FNDC1: variants seen among roughly 807,000 people sequenced by gnomAD.
FNDC1 encodes the protein fibronectin type III domain-containing protein 1.
In FNDC1, 96 loss-of-function variants were observed where a neutral mutation model predicts 168.0. That is an observed-to-expected ratio of 0.57 (90% CI 0.48 to 0.68). The LOEUF (loss-of-function observed/expected upper bound fraction) is 0.68, where lower values mean the gene tolerates loss of function less well. Among genes scored for constraint, FNDC1 ranks in the 30% least tolerant of loss-of-function variants. The pLI is 0.00. For missense variants in FNDC1, 2,587 were observed against 2,482.1 expected (o/e 1.04, Z -0.90); for synonymous variants, 1,099 against 1,025.9 (o/e 1.07, Z -1.36).
intron 9 of FNDC1, among the ~76,000 whole-genome samples, chr6:159,227,902 C>T (rs1782986599): frequency 6.6e-6 from 1 of 152,198 alleles, no homozygotes; most frequent in Admixed American, 6.5e-5. Context: ...CTGTCCTGGG[C>T]TGCTTGCAGC....
At chr6:159,209,234 A>T (rs1782548966) in intron 4 of FNDC1, among the ~76,000 whole-genome samples, 1 of 152,240 alleles carries the variant, frequency 6.6e-6, no homozygotes, top group South Asian at 2.1e-4. Context: ...GAAGATTAGG[A>T]ATGAATTTCC....
chr6:159,226,617 A>T (rs1358431971), intron 9 of FNDC1, 37 bp downstream of exon 9: 2 of 1,482,388 alleles, frequency 1.3e-6, no homozygotes, highest in East Asian at 2.4e-5. Flanking sequence ...AGATGCATTG[A>T]TTCTGATGAA....
At chr6:159,183,321 G>T (rs1483148280) in intron 1 of FNDC1, among the ~76,000 whole-genome samples, 1 of 152,116 alleles carries the variant, frequency 6.6e-6, no homozygotes, top group Non-Finnish European at 1.5e-5. Flanking sequence ...TGACATTGGG[G>T]GACATTCCCT....
intron 21 of FNDC1, 55 bp downstream of exon 21, chr6:159,266,300 AG>A: frequency 1.9e-6 from 3 of 1,589,050 alleles, no homozygotes; most frequent in Non-Finnish European, 2.6e-6. Flanking sequence ...TGATTTATCA[AG>A]TACAAACTTG....
At chr6:159,182,022 A>G (rs1206165671) in intron 1 of FNDC1, among the ~76,000 whole-genome samples, 1 of 152,166 alleles carries the variant, frequency 6.6e-6, no homozygotes, top group Non-Finnish European at 1.5e-5. Context: ...GAATTGAAGC[A>G]TCTTGTTTTG....
In FNDC1 at chr6:159,207,496, T is replaced by C. The variant is rs144562565; in HGVS notation, c.460+6915T>C. ...GGTTCACTTGCTGCTTTCTGATTGA[T>C]ATCTGGGCTTTTCTCTGGATGTCTG... is the stretch of plus-strand genomic sequence containing the variant. On this transcript the variant is annotated intron_variant, in intron 4 of 22. Coordinates refer to ENST00000297267, the MANE Select transcript of FNDC1 (RefSeq NM_032532.3). Among the ~76,000 whole-genome samples the C allele has an allele frequency of 6.5e-3, 996 of 152,264 alleles. 10 individuals are homozygous for C. The highest frequency in any genetic ancestry group is 0.023 in the African/African-American group (957 of 41,532).
intron 22 of FNDC1, among the ~76,000 whole-genome samples, chr6:159,269,772 C>T (rs1455536892): frequency 1.3e-5 from 2 of 152,162 alleles, no homozygotes; most frequent in Non-Finnish European, 2.9e-5. Context: ...CCAAAGGCCA[C>T]TTGCAGGCAG....
chr6:159,224,082 T>C (rs1466349123), intron 7 of FNDC1, among the ~76,000 whole-genome samples: 1 of 152,258 alleles, frequency 6.6e-6, no homozygotes, highest in African/African-American at 2.4e-5. Flanking sequence ...TGGTGGACAA[T>C]GTCTAATGCC....
At chr6:159,237,035 AG>A (rs1253207310) in intron 12 of FNDC1, among the ~76,000 whole-genome samples, 1 of 152,200 alleles carries the variant, frequency 6.6e-6, no homozygotes, top group African/African-American at 2.4e-5. Context: ...TATAATGATA[AG>A]GTTTAGGGAA....
At position 159,271,455 on chromosome 6, in the gene FNDC1, C is replaced by A; in HGVS notation, c.*13C>A. 6.3e-7 allele frequency: 1 copy of A among 1,585,864 alleles called. No individual in the cohort carries two copies. Among genetic ancestry groups the A allele is most frequent in the South Asian group, 1.1e-5 (1 of 87,812 alleles). On this transcript the variant is annotated 3_prime_UTR_variant, in exon 23 of 23. Coordinates refer to ENST00000297267, the MANE Select transcript of FNDC1 (RefSeq NM_032532.3). ...TGGAAAGTGGTAATCACAGGACCGT[C>A]ATGCTGCAAGCTTGCCCTGCCCAGC...
chr6:159,256,702 T>C, intron 18 of FNDC1, 71 bp downstream of exon 18: 1 of 1,139,870 alleles, frequency 8.8e-7, no homozygotes, highest in South Asian at 1.3e-5. Context: ...TGGTTGGAAA[T>C]GAAGGGAGGA....
chr6:159,257,311 G>T (rs1399749586), intron 18 of FNDC1, among the ~76,000 whole-genome samples: 2 of 152,198 alleles, frequency 1.3e-5, no homozygotes, highest in Non-Finnish European at 2.9e-5. Flanking sequence ...AGAGTGGTGT[G>T]CTGGTAAACT....
chr6:159,228,758 C>A (rs1019827278), intron 9 of FNDC1, among the ~76,000 whole-genome samples: 1 of 152,148 alleles, frequency 6.6e-6, no homozygotes, highest in Non-Finnish European at 1.5e-5. Flanking sequence ...TCACTGCAAC[C>A]TCTGCCTCCA....
Position 159,214,304 on chromosome 6 carries a change from C to A in FNDC1, c.461-641C>A, listed in dbSNP as rs560309481. On this transcript the variant is annotated intron_variant, in intron 4 of 22. Coordinates refer to ENST00000297267, the MANE Select transcript of FNDC1 (RefSeq NM_032532.3). ...GCTTTGGGAAAGTTTATAGTGAGGGCATTTCTTGAGATTAACTGGCTTAGC... is the reference window on the plus strand; with the variant it reads ...GCTTTGGGAAAGTTTATAGTGAGGGAATTTCTTGAGATTAACTGGCTTAGC... Among the ~76,000 whole-genome samples, 4 of 152,278 alleles carry A rather than the reference C, an allele frequency of 2.6e-5. No individual in the cohort carries two copies. The South Asian group carries it at 6.2e-4, about 24-fold the overall frequency.
At chr6:159,222,514 A>C (rs1365597267) in intron 6 of FNDC1, among the ~76,000 whole-genome samples, 1 of 152,228 alleles carries the variant, frequency 6.6e-6, no homozygotes, top group Non-Finnish European at 1.5e-5. Flanking sequence ...AAAACGAAAC[A>C]AAAAACTAAA....
At chr6:159,200,185 A>C in intron 3 of FNDC1, 103 bp downstream of exon 3, 1 of 956,396 alleles carries the variant, frequency 1.0e-6, no homozygotes, top group Non-Finnish European at 1.6e-6. Flanking sequence ...GTTATTAAAT[A>C]ATTTTTGAAC....
intron 1 of FNDC1, among the ~76,000 whole-genome samples, chr6:159,193,250 A>T (rs1303563671): frequency 6.6e-6 from 1 of 152,160 alleles, no homozygotes; most frequent in African/African-American, 2.4e-5. Flanking sequence ...AATGTCTGAC[A>T]ATGTGGAGCC....
At chr6:159,220,300 C>T (rs940495802) in intron 5 of FNDC1, among the ~76,000 whole-genome samples, 1 of 152,260 alleles carries the variant, frequency 6.6e-6, no homozygotes, top group African/African-American at 2.4e-5. Context: ...CTGCTGCCAT[C>T]TGAACATGTG....
intron 14 of FNDC1, among the ~76,000 whole-genome samples, chr6:159,241,685 C>T (rs985597727): frequency 6.6e-6 from 1 of 152,204 alleles, no homozygotes; most frequent in African/African-American, 2.4e-5. Context: ...CTTATTTCTA[C>T]TGTTTCACTA....
Sources: gnomAD v4.1 joint callset for allele counts (sites outside exome capture counted in the v4.1 genomes callset) on GRCh38, gnomAD v4.1.1 for gene constraint, MANE v1.5 for transcripts, NCBI Gene and HGNC (gene_info 2026-07-23, HGNC 2026-07-21) for gene names.